TECTA: variants seen among roughly 807,000 people sequenced by gnomAD.
TECTA encodes the protein alpha-tectorin.
TECTA carries 128 observed loss-of-function variants against 216.8 expected under a neutral mutation model. The ratio of observed to expected loss-of-function variants is 0.59; its 90% CI spans 0.51 to 0.68. The LOEUF is 0.68. TECTA is among the 30% of genes least tolerant of loss of function. The pLI is 0.00. For missense variants in TECTA, 2,551 were observed against 2,786.2 expected, an observed-to-expected ratio of 0.92 and a Z score of 1.90; for synonymous variants, 1,089 against 1,117.1, an observed-to-expected ratio of 0.97 and a Z score of 0.50.
chr11:121,168,732 C>T lies in TECTA; in HGVS notation c.5806C>T (p.Leu1936Phe). The stretch of plus-strand genomic sequence containing the variant: ...AGGCAGCTTCATCACCAAGATGGCT[C>T]TCTACAAAAACGCCTCCTACAAACA... ...QEGSFITKMALYKNASYKHPY... is the reference protein window; with the variant it reads ...QEGSFITKMAFYKNASYKHPY... The change falls in exon 20 of 24, where the codon CTC becomes TTC. Residue 1936 changes from leucine to phenylalanine, a missense_variant. Physicochemically the swap from Leu to Phe is conservative, Grantham distance 22 (BLOSUM62 0). Coordinates refer to ENST00000392793, the MANE Select transcript of TECTA (RefSeq NM_005422.4). 1 of 1,614,204 alleles carries T rather than the reference C, an allele frequency of 6.2e-7. No individual in the cohort carries two copies. The highest frequency in any genetic ancestry group is 8.5e-7 in the Non-Finnish European group (1 of 1,180,028).
intron 10 of TECTA, among the ~76,000 whole-genome samples, chr11:121,131,735 CT>C (rs1234647440): frequency 6.6e-6 from 1 of 152,192 alleles, no homozygotes; most frequent in Non-Finnish European, 1.5e-5. Flanking sequence ...CAGTCTTTGA[CT>C]TTCATTGTCT....
rs551435112 is a variant in TECTA, at chr11:121,176,052, C to T, written c.5999+7127C>T. Among the ~76,000 whole-genome samples, 27 of 152,058 alleles carry T rather than the reference C, an allele frequency of 1.8e-4. No individual in the cohort carries two copies. The South Asian group carries it at 4.4e-3, about 25-fold the overall frequency. On this transcript the variant is annotated intron_variant, in intron 20 of 23. Coordinates refer to ENST00000392793, the MANE Select transcript of TECTA (RefSeq NM_005422.4). The stretch of plus-strand genomic sequence containing the variant: ...TTCCATTTGCTTGGTAGATCTTCCT[C>T]CATCCTTTTATTTTGAGCCTATGTG...
rs563899616 is a variant in TECTA at position 121,115,658 on chromosome 11, T to G, written c.790+1940T>G. On this transcript the variant is annotated intron_variant, in intron 6 of 23. Coordinates refer to ENST00000392793, the MANE Select transcript of TECTA (RefSeq NM_005422.4). ...TCAATTTGTTGTTGTTGTTGTTGTTTTTTGTTTAGGAGACAGGGTCTCTCT... is the reference window on the plus strand; with the variant it reads ...TCAATTTGTTGTTGTTGTTGTTGTTGTTTGTTTAGGAGACAGGGTCTCTCT... 3.2e-4 allele frequency among the ~76,000 whole-genome samples: 49 copies of G among 152,180 alleles called. 1 individual carries two copies. The Middle Eastern group carries it at 0.01, about 32-fold the overall frequency.
intron 4 of TECTA, chr11:121,110,634 C>T (rs1946433655): frequency 6.6e-6 from 1 of 152,184 alleles, no homozygotes; most frequent in African/African-American, 2.4e-5. Flanking sequence ...AACGACTCCT[C>T]GGGTGATGTT....
intron 16 of TECTA, among the ~76,000 whole-genome samples, chr11:121,163,482 G>A (rs1410563484): frequency 6.6e-6 from 1 of 151,236 alleles, no homozygotes; most frequent in Admixed American, 6.6e-5. Context: ...ATAGCATTAG[G>A]AGATATACCT....
At position 121,113,371 on chromosome 11, in the gene TECTA, C is replaced by A. The variant is rs534464249; in HGVS notation, c.624+162C>A. Among the ~76,000 whole-genome samples the A allele has an allele frequency of 6.6e-6, 1 of 152,084 alleles. No individual in the cohort carries two copies. Among genetic ancestry groups the A allele is most frequent in the Non-Finnish European group, 1.5e-5 (1 of 68,018 alleles). ...GGCTAGTCCTGCCCATGTTTGGCACCCTGACTCGGCTATGAAATGAACTAG... is the reference window on the plus strand; with the variant it reads ...GGCTAGTCCTGCCCATGTTTGGCACACTGACTCGGCTATGAAATGAACTAG... On this transcript the variant is annotated intron_variant, in intron 5 of 23. Coordinates refer to ENST00000392793, the MANE Select transcript of TECTA (RefSeq NM_005422.4). This position sits in a 1 kb window ranked among gnomAD's most constrained non-coding sequence, Gnocchi z 4.2.
intron 4 of TECTA, among the ~76,000 whole-genome samples, chr11:121,111,223 G>A (rs951937883): frequency 1.3e-5 from 2 of 152,170 alleles, no homozygotes; most frequent in East Asian, 1.9e-4. Flanking sequence ...AAATGTTCCC[G>A]GACAAGTACT....
intron 10 of TECTA, among the ~76,000 whole-genome samples, chr11:121,134,345 A>ACACACACACACACG (rs954311155): frequency 6.6e-6 from 1 of 151,798 alleles, no homozygotes; most frequent in African/African-American, 2.4e-5. Context: ...ACACACACAC[A>ACACACACACACACG]CACGCACACA....
chr11:121,113,731 CTCTG>C lies in TECTA; in HGVS notation c.790+19_790+22del, dbSNP rs746792987. 2 of 1,612,714 alleles carry C rather than the reference CTCTG, an allele frequency of 1.2e-6. No individual in the cohort carries two copies. Among genetic ancestry groups the C allele is most frequent in the Admixed American group, 1.7e-5 (1 of 59,976 alleles). On this transcript the variant is annotated intron_variant, in intron 6 of 23. Transcript: ENST00000392793. This position sits in a 1 kb window ranked among gnomAD's most constrained non-coding sequence, Gnocchi z 4.2. The stretch of plus-strand genomic sequence containing the variant: ...TGCACCTCAAGGGGTAAAGCTTTTC[CTCTG>C]TCTGTGGCAAGGCAGGGTTTGTTTA...
At chr11:121,108,825 A>G (rs1418458413) in intron 3 of TECTA, among the ~76,000 whole-genome samples, 1 of 82,160 alleles carries the variant, frequency 1.2e-5, no homozygotes, top group Non-Finnish European at 2.4e-5. Flanking sequence ...ACACACACTC[A>G]CGCACCTCAC....
intron 20 of TECTA, among the ~76,000 whole-genome samples, chr11:121,171,211 C>A (rs1404698149): frequency 1.3e-5 from 2 of 152,122 alleles, no homozygotes; most frequent in Non-Finnish European, 2.9e-5. Flanking sequence ...ATGTTCTTGA[C>A]ATCTTTGTTG....
At chr11:121,178,375 G>T (rs914922669) in intron 20 of TECTA, among the ~76,000 whole-genome samples, 1 of 152,168 alleles carries the variant, frequency 6.6e-6, no homozygotes, top group African/African-American at 2.4e-5. Flanking sequence ...TTATTGATTT[G>T]TATATATTGA....
At chr11:121,128,445 T>C in intron 9 of TECTA, 101 bp downstream of exon 9, 1 of 1,116,028 alleles carries the variant, frequency 9.0e-7, no homozygotes, top group South Asian at 1.5e-5. Flanking sequence ...TGCCTATGAG[T>C]GGATTTTAGA....
chr11:121,178,517 A>T (rs1458108526), intron 20 of TECTA, among the ~76,000 whole-genome samples: 8 of 127,202 alleles, frequency 6.3e-5, no homozygotes, highest in South Asian at 6.0e-4. Context: ...GCTTGTAGTT[A>T]GTGTGTGTGT....
At chr11:121,131,213 C>CAAAAAAAA (rs10683692) in intron 10 of TECTA, among the ~76,000 whole-genome samples, 3 of 70,806 alleles carry the variant, frequency 4.2e-5, no homozygotes, top group African/African-American at 5.9e-5. Flanking sequence ...GACTCCATCT[C>CAAAAAAAA]AAAAAAAAAA....
intron 20 of TECTA, among the ~76,000 whole-genome samples, chr11:121,174,100 T>G (rs1947140420): frequency 6.6e-6 from 1 of 152,186 alleles, no homozygotes; most frequent in Non-Finnish European, 1.5e-5. Flanking sequence ...GCTGAGACAA[T>G]GGGGTTTTCT....
At chr11:121,186,239 G>A (rs1274007187) in intron 20 of TECTA, among the ~76,000 whole-genome samples, 1 of 152,240 alleles carries the variant, frequency 6.6e-6, no homozygotes, top group Non-Finnish European at 1.5e-5. Flanking sequence ...TTTGGGGTCA[G>A]TTGTTTCTCT....
At chr11:121,186,086 A>G (rs1349641595) in intron 20 of TECTA, among the ~76,000 whole-genome samples, 1 of 116,504 alleles carries the variant, frequency 8.6e-6, no homozygotes. Context: ...GCAGATGTTC[A>G]ATGCTTAATG....
At position 121,162,205 on chromosome 11, in the gene TECTA, C is replaced by A. The variant is rs966851161; in HGVS notation, c.5107C>A (p.Pro1703Thr). The A allele has an allele frequency of 2.5e-6, 4 of 1,614,070 alleles. No individual in the cohort carries two copies. The highest frequency in any genetic ancestry group is 3.3e-5 in the Admixed American group (2 of 60,012). ...KLTDMKGFFQPCYGLLDPLPF... is the reference protein window; with the variant it reads ...KLTDMKGFFQTCYGLLDPLPF... Reference sequence around the variant, plus strand: ...CACCGACATGAAGGGCTTCTTCCAGCCCTGCTATGGGCTTCTCGATCCCCT... The same window carrying A: ...CACCGACATGAAGGGCTTCTTCCAGACCTGCTATGGGCTTCTCGATCCCCT... The change falls in exon 16 of 24, where the codon CCC (proline) becomes ACC (threonine). Residue 1703 changes from proline to threonine, a missense_variant. Pro to Thr is a conservative substitution (Grantham distance 38). This residue lies in a region of TECTA where 2,375 missense variants were observed against 2,563.9 expected (regional missense o/e 0.93). Transcript: ENST00000392793.
Sources: gnomAD v4.1 joint callset for allele counts (sites outside exome capture counted in the v4.1 genomes callset) on GRCh38, gnomAD v4.1.1 for gene constraint, gnomAD v4.1.1 regional missense constraint, Gnocchi (gnomAD v3.1) non-coding constraint, MANE v1.5 for transcripts, NCBI Gene and HGNC (gene_info 2026-07-23, HGNC 2026-07-21) for gene names.